The following NRXN3 variants were observed in gnomAD, a reference collection of about 807,000 sequenced individuals.
NRXN3 encodes the protein neurexin 3, also known as neurexin III.
Under a neutral mutation model 137.6 loss-of-function variants are expected in NRXN3, and 32 were observed. The ratio of observed to expected loss-of-function variants is 0.23; its 90% CI spans 0.18 to 0.31. The LOEUF (loss-of-function observed/expected upper bound fraction) is 0.31. NRXN3 is among the 10% of genes least tolerant of loss of function. The pLI, the probability that NRXN3 is intolerant of heterozygous loss-of-function variation, is 1.00. For missense variants in NRXN3, 1,574 were observed against 2,062.5 expected (o/e 0.76, Z 4.59); for synonymous variants, 798 against 784.5 (o/e 1.02, Z -0.29).
chr14:78,203,822 GTGTGTGTGTGTGTGTGGTT>G (rs59212440), intron 1 of NRXN3, among the ~76,000 whole-genome samples: 28,210 of 124,590 alleles, frequency 0.23, 2,902 homozygotes, highest in African/African-American at 0.34. Context: ...GTGTGTGTGT[GTGTGTGTGTGTGTGTGGTT>G]TGTGTGTGTG....
rs151277642 is a variant in NRXN3 at position 78,542,048 on chromosome 14, G to A, written c.758-103072G>A. Reference sequence around the variant, plus strand: ...GCCTGATTCTTCCTCTGGAAGCTTCGTTCCAGAGGGGCAGCTGCCTATATG... The same window carrying A: ...GCCTGATTCTTCCTCTGGAAGCTTCATTCCAGAGGGGCAGCTGCCTATATG... On this transcript the variant is annotated intron_variant, in intron 4 of 20. Transcript: ENST00000335750. 3.3e-5 allele frequency among the ~76,000 whole-genome samples: 5 copies of A among 152,314 alleles called. No individual in the cohort carries two copies. In the East Asian group the frequency reaches 7.7e-4, roughly 23 times the overall value.
intron 10 of NRXN3, among the ~76,000 whole-genome samples, chr14:78,923,894 A>G (rs61330422): frequency 0.11 from 17,049 of 152,262 alleles, 1,956 homozygotes; most frequent in East Asian, 0.44. Context: ...ACCCATTGAT[A>G]ATCTAATTGT....
chr14:79,805,097 C>A lies in NRXN3; in HGVS notation c.4015-15C>A, dbSNP rs2140618666. On this transcript the variant is annotated splice_polypyrimidine_tract_variant and intron_variant, in intron 19 of 20. Coordinates refer to ENST00000335750, the MANE Select transcript of NRXN3 (RefSeq NM_001330195.2). ...CTCTTCCCCTACCCCATTATTTTCT[C>A]TTTGACATAAACAGCCAACATCAGA... 1 of 1,595,860 alleles carries A rather than the reference C, an allele frequency of 6.3e-7. No homozygotes were observed. Among genetic ancestry groups the A allele is most frequent in the East Asian group, 2.2e-5 (1 of 44,594 alleles).
intron 4 of NRXN3, among the ~76,000 whole-genome samples, chr14:78,397,852 C>A (rs2091638891): frequency 6.7e-6 from 1 of 150,322 alleles, no homozygotes; most frequent in South Asian, 2.2e-4. Context: ...GATCTGCCTG[C>A]CTTGGCCCCC....
intron 15 of NRXN3, among the ~76,000 whole-genome samples, chr14:79,257,925 C>G (rs1302098949): frequency 6.6e-6 from 1 of 151,866 alleles, no homozygotes; most frequent in Non-Finnish European, 1.5e-5. Context: ...AAACTTTTCT[C>G]TACTGCTTTA....
chr14:78,642,931 G>C (rs1317843447), intron 4 of NRXN3, among the ~76,000 whole-genome samples: 1 of 152,184 alleles, frequency 6.6e-6, no homozygotes, highest in Non-Finnish European at 1.5e-5. Context: ...TACCCTGTGA[G>C]CATTTATAGG....
chr14:78,879,514 T>A (rs1369498021), intron 10 of NRXN3, among the ~76,000 whole-genome samples: 1 of 152,266 alleles, frequency 6.6e-6, no homozygotes, highest in Non-Finnish European at 1.5e-5. Context: ...TAGCCGTCTG[T>A]ATGTCTCCCT....
intron 10 of NRXN3, among the ~76,000 whole-genome samples, chr14:78,925,395 T>C (rs948489141): frequency 1.3e-5 from 2 of 152,190 alleles, no homozygotes; most frequent in African/African-American, 4.8e-5. Flanking sequence ...TTTTGCCTTA[T>C]AACACTACAC....
chr14:79,296,963 T>A (rs1039403383), intron 15 of NRXN3, among the ~76,000 whole-genome samples: 5 of 152,224 alleles, frequency 3.3e-5, no homozygotes, highest in Non-Finnish European at 7.3e-5. Flanking sequence ...TCCTTCTGCC[T>A]TCTTGATTCC....
At chr14:79,559,498 G>T (rs2097466850) in intron 16 of NRXN3, among the ~76,000 whole-genome samples, 2 of 152,064 alleles carry the variant, frequency 1.3e-5, no homozygotes, top group Admixed American at 1.3e-4. Context: ...TCCAGTTTGG[G>T]CAAGGTGTGT....
In NRXN3 at chr14:79,572,436, T is replaced by C. The variant is rs147230151; in HGVS notation, c.3445-91342T>C. Among the ~76,000 whole-genome samples the C allele has an allele frequency of 1.7e-4, 26 of 152,326 alleles. No homozygotes were observed. The East Asian group carries it at 5.0e-3, about 29-fold the overall frequency. ...TTTTTAATTCCCATCACTTTCATTTTTATAGAATCCAGAAATAATGCATGT... is the reference window on the plus strand; with the variant it reads ...TTTTTAATTCCCATCACTTTCATTTCTATAGAATCCAGAAATAATGCATGT... On this transcript the variant is annotated intron_variant, in intron 16 of 20. Transcript: ENST00000335750.
At chr14:78,436,930 G>T (rs1567586171) in intron 4 of NRXN3, among the ~76,000 whole-genome samples, 1 of 152,330 alleles carries the variant, frequency 6.6e-6, no homozygotes, top group East Asian at 1.9e-4. Context: ...TATGGGTGAT[G>T]GCTAAGAGCA....
At chr14:78,857,166 T>G (rs2099059766) in intron 10 of NRXN3, among the ~76,000 whole-genome samples, 1 of 151,920 alleles carries the variant, frequency 6.6e-6, no homozygotes, top group Admixed American at 6.6e-5. Context: ...TATGAATTGT[T>G]TTTTTTTTCT....
chr14:78,338,946 G>A (rs78718342), intron 4 of NRXN3, among the ~76,000 whole-genome samples: 1 of 152,116 alleles, frequency 6.6e-6, no homozygotes, highest in Non-Finnish European at 1.5e-5. Context: ...GCTGAGCCTC[G>A]GATCTAGGCT....
At chr14:79,098,462 C>G (rs1174601719) in intron 15 of NRXN3, among the ~76,000 whole-genome samples, 4 of 152,250 alleles carry the variant, frequency 2.6e-5, no homozygotes, top group Admixed American at 2.6e-4. Context: ...TGGGTAGTTT[C>G]CCAGGAAAGA....
intron 16 of NRXN3, among the ~76,000 whole-genome samples, chr14:79,594,781 G>T (rs1398400300): frequency 2.6e-5 from 4 of 152,016 alleles, no homozygotes; most frequent in Non-Finnish European, 5.9e-5. Context: ...AGTCCTCGGG[G>T]GTTTGCATAA....
At chr14:78,877,034 G>A (rs1277447080) in intron 10 of NRXN3, among the ~76,000 whole-genome samples, 1 of 152,162 alleles carries the variant, frequency 6.6e-6, no homozygotes, top group Non-Finnish European at 1.5e-5. Context: ...ATAGTTGAAA[G>A]ATTCTTCTTC....
intron 10 of NRXN3, among the ~76,000 whole-genome samples, chr14:78,950,915 C>CT (rs2099385940): frequency 1.3e-5 from 2 of 152,082 alleles, no homozygotes; most frequent in Non-Finnish European, 2.9e-5. Flanking sequence ...TCATGTCTTA[C>CT]TTTTTTCTGG....
chr14:78,634,428 G>A (rs538540486), intron 4 of NRXN3, among the ~76,000 whole-genome samples: 47 of 152,338 alleles, frequency 3.1e-4, no homozygotes, highest in African/African-American at 1.1e-3. Context: ...GCTGCTCACA[G>A]CGTATGGTTA....
Sources: gnomAD v4.1 joint callset for allele counts (sites outside exome capture counted in the v4.1 genomes callset) on GRCh38, gnomAD v4.1.1 for gene constraint, MANE v1.5 for transcripts, NCBI Gene and HGNC (gene_info 2026-07-23, HGNC 2026-07-21) for gene names.